Variants in MYO1B observed in about 807,000 individuals in gnomAD.
The protein encoded by MYO1B is unconventional myosin-Ib.
In MYO1B, 72 loss-of-function variants were observed where a neutral mutation model predicts 159.7. The ratio of observed to expected loss-of-function variants is 0.45; its 90% CI spans 0.37 to 0.55. The LOEUF is 0.55. Among genes scored for constraint, MYO1B ranks in the 20% least tolerant of loss-of-function variants. MYO1B has a pLI of 0.00. For synonymous variants in MYO1B, 468 were observed against 473.8 expected (o/e 0.99, Z 0.16); for missense variants, 1,062 against 1,364.8 (o/e 0.78, Z 3.50).
chr2:191,424,782 AT>A lies in MYO1B; in HGVS notation c.*823del, dbSNP rs1698132571. ...AATACCATATATGATCCTCGAAATG[AT>A]AATATCTCCAGAATATTGTTTTCAC... is the stretch of plus-strand genomic sequence containing the variant. On this transcript the variant is annotated 3_prime_UTR_variant, in exon 31 of 31. Transcript: ENST00000392318. The A allele has an allele frequency of 6.6e-6, 1 of 152,594 alleles. No individual in the cohort carries two copies. Among genetic ancestry groups the A allele is most frequent in the Non-Finnish European group, 1.5e-5 (1 of 68,010 alleles). The allele number at this position is 152,594 out of a possible 1,614,324, so 9.5% of individuals were successfully genotyped here.
intron 3 of MYO1B, among the ~76,000 whole-genome samples, chr2:191,307,832 T>C (rs1689745326): frequency 1.3e-5 from 2 of 152,134 alleles, no homozygotes; most frequent in African/African-American, 4.8e-5. Context: ...TGGTTTATTA[T>C]AAAGGATACA....
At chr2:191,271,046 A>C (rs1687425813) in intron 1 of MYO1B, among the ~76,000 whole-genome samples, 1 of 152,204 alleles carries the variant, frequency 6.6e-6, no homozygotes, top group East Asian at 1.9e-4. Flanking sequence ...TACCATGTGC[A>C]AGAGGCTGTG....
intron 16 of MYO1B, among the ~76,000 whole-genome samples, chr2:191,386,960 T>A (rs1033236680): frequency 6.6e-6 from 1 of 152,194 alleles, no homozygotes; most frequent in Non-Finnish European, 1.5e-5. Context: ...CAAAATCCTT[T>A]GAAAATGTTA....
At chr2:191,367,096 A>G (rs945173054) in intron 11 of MYO1B, among the ~76,000 whole-genome samples, 1 of 152,044 alleles carries the variant, frequency 6.6e-6, no homozygotes, top group Admixed American at 6.6e-5. Context: ...GCAGAAGTGC[A>G]TGGTCTTTTC....
chr2:191,342,533 C>T (rs558780896), intron 5 of MYO1B, among the ~76,000 whole-genome samples: 1 of 152,248 alleles, frequency 6.6e-6, no homozygotes, highest in African/African-American at 2.4e-5. Flanking sequence ...AAAGTCTTTC[C>T]CTACTGATGG....
At chr2:191,385,068 C>T (rs1695322085) in intron 15 of MYO1B, among the ~76,000 whole-genome samples, 1 of 152,068 alleles carries the variant, frequency 6.6e-6, no homozygotes, top group African/African-American at 2.4e-5. Context: ...GGTTGATGGT[C>T]AGTGGAGTGG....
intron 1 of MYO1B, chr2:191,263,151 A>C (rs16833551): frequency 0.01 from 1,614 of 161,140 alleles, 35 homozygotes; most frequent in African/African-American, 0.037. Flanking sequence ...TCCATGATGG[A>C]CTCTCGATCA....
intron 9 of MYO1B, 106 bp from the exon 10 acceptor site, chr2:191,363,622 T>G (rs1227564773): frequency 1.4e-6 from 2 of 1,400,076 alleles, no homozygotes; most frequent in African/African-American, 2.9e-5. Context: ...AGCTTTGTCT[T>G]TTATGGGTTT....
At chr2:191,345,680 G>A (rs1023969343) in intron 5 of MYO1B, among the ~76,000 whole-genome samples, 7 of 152,176 alleles carry the variant, frequency 4.6e-5, no homozygotes, top group Non-Finnish European at 8.8e-5. Flanking sequence ...TGTAGCACTT[G>A]TAGCCTATTG....
intron 13 of MYO1B, among the ~76,000 whole-genome samples, chr2:191,373,845 T>C (rs975196864): frequency 2.6e-5 from 4 of 152,242 alleles, no homozygotes; most frequent in Non-Finnish European, 5.9e-5. Flanking sequence ...TTTTCTTTTT[T>C]TCCCCCCAGT....
chr2:191,411,236 C>G, intron 27 of MYO1B, 64 bp downstream of exon 27: 1 of 1,042,782 alleles, frequency 9.6e-7, no homozygotes, highest in African/African-American at 1.6e-5. Flanking sequence ...TATATTTGTA[C>G]GCCGTTTTGC....
At chr2:191,355,440 G>C (rs1230143623) in intron 7 of MYO1B, among the ~76,000 whole-genome samples, 2 of 152,238 alleles carry the variant, frequency 1.3e-5, no homozygotes, top group African/African-American at 4.8e-5. Flanking sequence ...GGAAGCACTT[G>C]TAAAATAGGC....
At chr2:191,408,406 A>G (rs989447595) in intron 25 of MYO1B, among the ~76,000 whole-genome samples, 2 of 152,192 alleles carry the variant, frequency 1.3e-5, no homozygotes, top group Admixed American at 6.5e-5. Flanking sequence ...AATGGCCCGT[A>G]TATTATTAAT....
Position 191,411,440 on chromosome 2 carries a change from TA to T in MYO1B, c.2873+273del, listed in dbSNP as rs1371003732. Reference sequence around the variant, plus strand: ...CTAAATAATTAGAAGTCATTTAACATAAAAATTATATAGGCTGTTAAGATAC... The same window carrying T: ...CTAAATAATTAGAAGTCATTTAACATAAAATTATATAGGCTGTTAAGATAC... On this transcript the variant is annotated intron_variant, in intron 27 of 30. Coordinates refer to ENST00000392318, the MANE Select transcript of MYO1B (RefSeq NM_001130158.3). Among the ~76,000 whole-genome samples the T allele has an allele frequency of 2.0e-5, 3 of 152,344 alleles. No homozygotes were observed. In the East Asian group the frequency reaches 5.8e-4, roughly 29 times the overall value.
chr2:191,422,449 A>C (rs539035534), intron 30 of MYO1B, among the ~76,000 whole-genome samples: 1 of 152,318 alleles, frequency 6.6e-6, no homozygotes, highest in South Asian at 2.1e-4. Context: ...GTCATCTCTT[A>C]TCCCAGCAGT....
At chr2:191,372,828 C>T (rs1361381802) in intron 13 of MYO1B, among the ~76,000 whole-genome samples, 1 of 150,456 alleles carries the variant, frequency 6.6e-6, no homozygotes, top group Non-Finnish European at 1.5e-5. Flanking sequence ...TTTTTCTCAA[C>T]ACTGTTTCAA....
chr2:191,321,319 T>C (rs565344349), intron 3 of MYO1B, among the ~76,000 whole-genome samples: 7 of 152,296 alleles, frequency 4.6e-5, no homozygotes, highest in Admixed American at 2.0e-4. Flanking sequence ...GTTTCCATGA[T>C]TTATTTGCCT....
At chr2:191,414,279 AGAGTT>A (rs777471674) in intron 28 of MYO1B, 99 bp downstream of exon 28, 45 of 1,424,586 alleles carry the variant, frequency 3.2e-5, no homozygotes, top group Middle Eastern at 1.9e-4. Context: ...TGTTCTCAGT[AGAGTT>A]AACTATGAAG....
At chr2:191,302,970 C>A (rs879445962) in intron 3 of MYO1B, among the ~76,000 whole-genome samples, 1 of 152,120 alleles carries the variant, frequency 6.6e-6, no homozygotes, top group Non-Finnish European at 1.5e-5. Context: ...GGATCACATA[C>A]CGTTGCCCAT....
Sources: gnomAD v4.1 joint callset for allele counts (sites outside exome capture counted in the v4.1 genomes callset) on GRCh38, gnomAD v4.1.1 for gene constraint, MANE v1.5 for transcripts, NCBI Gene and HGNC (gene_info 2026-07-23, HGNC 2026-07-21) for gene names.